The following MIPOL1 variants were observed in gnomAD, a reference collection of about 807,000 sequenced individuals.
MIPOL1 encodes the protein mirror-image polydactyly gene 1 protein.
In MIPOL1, 57 loss-of-function variants were observed where a neutral mutation model predicts 60.9. The observed-to-expected ratio is 0.94, with a 90% CI of 0.76 to 1.17. MIPOL1 has a LOEUF of 1.17. MIPOL1 is among the 50% of genes most tolerant of loss of function. The pLI is 0.00. For missense variants in MIPOL1, 551 were observed against 511.6 expected, an observed-to-expected ratio of 1.08 and a Z score of -0.74; for synonymous variants, 179 against 168.8, an observed-to-expected ratio of 1.06 and a Z score of -0.47.
chr14:37,366,291 C>T (rs567518581), intron 9 of MIPOL1, among the ~76,000 whole-genome samples: 35 of 151,784 alleles, frequency 2.3e-4, no homozygotes, highest in East Asian at 2.1e-3. Context: ...AGGCTCTTAC[C>T]GCTATAAACT....
intron 7 of MIPOL1, among the ~76,000 whole-genome samples, chr14:37,290,895 G>C (rs1253471292): frequency 6.6e-6 from 1 of 152,070 alleles, no homozygotes; most frequent in Non-Finnish European, 1.5e-5. Context: ...CCCAGTGTTT[G>C]TTGTTCCACA....
Position 37,546,958 on chromosome 14 carries a change from G to A in MIPOL1, c.1316G>A (p.Arg439Lys). ...AAGAAGGTTGGAACCGGGACCATGA[G>A]GACAGTGATCTGATTGAAAAAAAAC... The part of the protein sequence containing the change: ...LRKKVGTGTM[R>K]TVI The change falls in exon 13 of 13, where the codon AGG becomes AAG. Residue 439 changes from arginine to lysine, a missense_variant. Arg to Lys is a conservative substitution (Grantham distance 26, BLOSUM62 2). Transcript: ENST00000684589. The A allele has an allele frequency of 6.2e-7, 1 of 1,613,394 alleles. No homozygotes were observed. The highest frequency in any genetic ancestry group is 8.5e-7 in the Non-Finnish European group (1 of 1,179,610).
intron 9 of MIPOL1, among the ~76,000 whole-genome samples, chr14:37,313,450 A>C (rs2087562827): frequency 6.6e-6 from 1 of 152,144 alleles, no homozygotes; most frequent in Non-Finnish European, 1.5e-5. Flanking sequence ...ATTTGTAGTT[A>C]GAAGGATAAT....
rs540217599 is a variant in MIPOL1, at chr14:37,307,068, T to C, written c.624-988T>C. 3.3e-5 allele frequency among the ~76,000 whole-genome samples: 5 copies of C among 151,916 alleles called. No individual in the cohort carries two copies. The South Asian group carries it at 1.0e-3, about 31-fold the overall frequency. ...CATGAGTGTAGTAATTTTATCCAGT[T>C]GTGAAGTTTGGAACCATTTTGTGGC... On this transcript the variant is annotated intron_variant, in intron 7 of 12. Coordinates refer to ENST00000684589, the MANE Select transcript of MIPOL1 (RefSeq NM_001388067.1).
At chr14:37,274,999 T>C (rs1043791265) in intron 6 of MIPOL1, among the ~76,000 whole-genome samples, 1 of 151,326 alleles carries the variant, frequency 6.6e-6, no homozygotes, top group Non-Finnish European at 1.5e-5. Flanking sequence ...TTTATTTCTT[T>C]TGTTAAAATA....
chr14:37,464,954 TATTTC>T (rs2094580926), intron 11 of MIPOL1, among the ~76,000 whole-genome samples: 1 of 152,192 alleles, frequency 6.6e-6, no homozygotes, highest in Non-Finnish European at 1.5e-5. Context: ...ATTTTCAACT[TATTTC>T]AGTGAAGTTT....
intron 10 of MIPOL1, among the ~76,000 whole-genome samples, chr14:37,378,363 C>A (rs959923020): frequency 6.6e-6 from 1 of 152,016 alleles, no homozygotes; most frequent in African/African-American, 2.4e-5. Context: ...CCTATTGATA[C>A]ACCCATGACT....
chr14:37,360,178 T>A (rs2092141294), intron 9 of MIPOL1, among the ~76,000 whole-genome samples: 1 of 152,178 alleles, frequency 6.6e-6, no homozygotes, highest in Admixed American at 6.6e-5. Flanking sequence ...GCCGACTTGA[T>A]CTTGGCGGAT....
At chr14:37,392,799 A>T (rs2093280806) in intron 10 of MIPOL1, among the ~76,000 whole-genome samples, 1 of 152,164 alleles carries the variant, frequency 6.6e-6, no homozygotes, top group South Asian at 2.1e-4. Context: ...AACTTATGAA[A>T]TCAAAAATAG....
intron 6 of MIPOL1, among the ~76,000 whole-genome samples, chr14:37,284,938 A>G (rs1325167378): frequency 6.6e-6 from 1 of 152,236 alleles, no homozygotes; most frequent in Non-Finnish European, 1.5e-5. Context: ...TCTAGGCTAT[A>G]TACCAAAGAG....
chr14:37,451,232 A>G (rs1438002342), intron 11 of MIPOL1, among the ~76,000 whole-genome samples: 2 of 152,124 alleles, frequency 1.3e-5, no homozygotes, highest in African/African-American at 4.8e-5. Flanking sequence ...TCACCTGTGT[A>G]TCACCCCCTA....
intron 9 of MIPOL1, among the ~76,000 whole-genome samples, chr14:37,331,167 A>G (rs1050438228): frequency 6.6e-6 from 1 of 151,688 alleles, no homozygotes; most frequent in African/African-American, 2.4e-5. Context: ...CAGGTCATAT[A>G]ATGCCTGAAG....
chr14:37,507,446 A>G (rs935606428), intron 12 of MIPOL1: 6 of 152,162 alleles, frequency 3.9e-5, no homozygotes, highest in Non-Finnish European at 8.8e-5. Flanking sequence ...GAGTTCATGT[A>G]CTTTGCAGGG....
At chr14:37,468,701 A>C (rs1048088404) in intron 11 of MIPOL1, among the ~76,000 whole-genome samples, 5 of 152,226 alleles carry the variant, frequency 3.3e-5, no homozygotes, top group Non-Finnish European at 7.4e-5. Flanking sequence ...GTGAAAAGAC[A>C]GTTTCTCATG....
At chr14:37,246,410 AT>A (rs1973211641) in intron 1 of MIPOL1, among the ~76,000 whole-genome samples, 1 of 152,082 alleles carries the variant, frequency 6.6e-6, no homozygotes, top group Non-Finnish European at 1.5e-5. Context: ...ATTAATTTAG[AT>A]TTTTGTTATA....
At chr14:37,473,875 TA>T (rs1454389374) in intron 11 of MIPOL1, among the ~76,000 whole-genome samples, 2 of 148,528 alleles carry the variant, frequency 1.3e-5, no homozygotes, top group African/African-American at 2.6e-5. Context: ...ACTAAAATAC[TA>T]AAGCACATAC....
In MIPOL1 at chr14:37,308,381, T is replaced by G; in HGVS notation, c.690T>G (p.Asn230Lys). Residue 230 changes from asparagine (N) to lysine (K), a missense_variant, in exon 9 of 13, where the codon AAT (asparagine) becomes AAG (lysine). By Grantham distance (94) the Asn-to-Lys change is moderately conservative. Coordinates refer to ENST00000684589, the MANE Select transcript of MIPOL1 (RefSeq NM_001388067.1). ...TLQELLNRINNADTGIAIQKN... is the reference protein window; with the variant it reads ...TLQELLNRINKADTGIAIQKN... ...AGGAATTACTGAACAGAATAAACAA[T>G]GCAGACACAGGGATAGCTATTCAGA... is the stretch of plus-strand genomic sequence containing the variant. 6.3e-7 allele frequency: 1 copy of G among 1,588,468 alleles called. No homozygotes were observed. The highest frequency in any genetic ancestry group is 2.3e-5 in the East Asian group (1 of 44,034).
chr14:37,287,987 G>T (rs1193647459), intron 7 of MIPOL1, among the ~76,000 whole-genome samples: 1 of 152,054 alleles, frequency 6.6e-6, no homozygotes, highest in Admixed American at 6.6e-5. Context: ...GGTATGAATT[G>T]ACCTTAAAAG....
intron 9 of MIPOL1, among the ~76,000 whole-genome samples, chr14:37,358,189 A>G (rs1595374258): frequency 6.6e-6 from 1 of 152,242 alleles, no homozygotes; most frequent in South Asian, 2.1e-4. Flanking sequence ...TTATGGCTGC[A>G]TAGTATTCCA....
Sources: gnomAD v4.1 joint callset for allele counts (sites outside exome capture counted in the v4.1 genomes callset) on GRCh38, gnomAD v4.1.1 for gene constraint, MANE v1.5 for transcripts, NCBI Gene and HGNC (gene_info 2026-07-23, HGNC 2026-07-21) for gene names.